Variants in PXDNL observed in about 807,000 individuals in gnomAD.
PXDNL encodes the protein probable oxidoreductase PXDNL.
PXDNL carries 145 observed loss-of-function variants against 150.8 expected under a neutral mutation model. The observed-to-expected ratio is 0.96, with a 90% CI of 0.84 to 1.10. The LOEUF is 1.10. Among genes scored for constraint, PXDNL ranks in the 50% least tolerant of loss-of-function variants. The pLI, the probability that PXDNL is intolerant of heterozygous loss-of-function variation, is 0.00. For synonymous variants in PXDNL, 757 were observed against 725.7 expected, an observed-to-expected ratio of 1.04 and a Z score of -0.69; for missense variants, 2,087 against 1,873.9, an observed-to-expected ratio of 1.11 and a Z score of -2.10.
In PXDNL at chr8:51,320,870, G is replaced by T. The variant is rs1489995204; in HGVS notation, c.4174C>A (p.Gln1392Lys). Residue 1392 changes from glutamine (Q) to lysine (K), a missense_variant, in exon 22 of 23, where the codon CAG (glutamine) becomes AAG (lysine). Coordinates refer to ENST00000356297, the MANE Select transcript of PXDNL (RefSeq NM_144651.5). ...QINKLEARLRQAGCTDVRGVP... is the reference protein window; with the variant it reads ...QINKLEARLRKAGCTDVRGVP... ...CCTCTAACATCTGTACACCCTGCCT[G>T]CCTCAGGCGTGCCTCCAGCTTGTTT... 2.5e-6 allele frequency: 4 copies of T among 1,613,890 alleles called. No homozygotes were observed. The highest frequency in any genetic ancestry group is 3.4e-6 in the Non-Finnish European group (4 of 1,179,828).
intron 4 of PXDNL, among the ~76,000 whole-genome samples, chr8:51,528,700 A>G (rs573041614): frequency 6.6e-6 from 1 of 152,286 alleles, no homozygotes; most frequent in African/African-American, 2.4e-5. Context: ...GGCAGAGGAA[A>G]AGGGCAGAGA....
chr8:51,559,072 G>T (rs1041915380), intron 3 of PXDNL, among the ~76,000 whole-genome samples: 4 of 151,946 alleles, frequency 2.6e-5, no homozygotes, highest in Admixed American at 6.6e-5. Flanking sequence ...GCATTCTTTG[G>T]TGAGTCAGCT....
Position 51,339,685 on chromosome 8 carries a change from G to A in PXDNL, c.4085C>T (p.Ser1362Phe). Residue 1362 changes from serine to phenylalanine, a missense_variant, in exon 21 of 23, where the codon TCC becomes TTC. Ser to Phe is a radical substitution (Grantham distance 155, BLOSUM62 -2). Coordinates refer to ENST00000356297, the MANE Select transcript of PXDNL (RefSeq NM_144651.5). ...CGCTGCAAACGTGCTGAAATCTTGG[G>A]AGAACTTTGTTTTTGCCAGAACTGT... Reference protein sequence around the residue: ...NVTVLAKTKFSQDFSTFAAEI... With the variant: ...NVTVLAKTKFFQDFSTFAAEI... 6.2e-7 allele frequency: 1 copy of A among 1,613,508 alleles called. No individual in the cohort carries two copies. Among genetic ancestry groups the A allele is most frequent in the Non-Finnish European group, 8.5e-7 (1 of 1,179,638 alleles).
At chr8:51,551,819 A>G (rs139219907) in intron 4 of PXDNL, among the ~76,000 whole-genome samples, 525 of 152,350 alleles carry the variant, frequency 3.4e-3, no homozygotes, top group African/African-American at 0.012. Context: ...ACAAAGATAA[A>G]TAGATGGGAC....
At chr8:51,651,995 G>C (rs1563496235) in intron 2 of PXDNL, among the ~76,000 whole-genome samples, 1 of 152,124 alleles carries the variant, frequency 6.6e-6, no homozygotes, top group Non-Finnish European at 1.5e-5. Context: ...AGCAAGCTCT[G>C]TTTAATACAA....
rs35415972 is a variant in PXDNL, at chr8:51,490,727, AGTGTGTGTGTGT to A, written c.453-7025_453-7014del. 2.4e-3 allele frequency among the ~76,000 whole-genome samples: 357 copies of A among 147,294 alleles called. 2 individuals carry two copies. The highest frequency in any genetic ancestry group is 7.3e-3 in the African/African-American group (289 of 39,728). ...CTCATCAGTATGTAATTGACTTTCT[AGTGTGTGTGTGT>A]GTGTGTGTGTGTGTGTGTGTGTGTA... On this transcript the variant is annotated intron_variant, in intron 5 of 22. Transcript: ENST00000356297.
At chr8:51,379,791 A>T (rs1807474733) in intron 17 of PXDNL, among the ~76,000 whole-genome samples, 1 of 152,118 alleles carries the variant, frequency 6.6e-6, no homozygotes, top group East Asian at 1.9e-4. Flanking sequence ...TTTGCCTCTC[A>T]GATTTAATTC....
intron 2 of PXDNL, among the ~76,000 whole-genome samples, chr8:51,638,631 A>C (rs968554054): frequency 6.6e-6 from 1 of 152,200 alleles, no homozygotes; most frequent in African/African-American, 2.4e-5. Flanking sequence ...TAAAGGGATC[A>C]ATTCAACAAG....
At chr8:51,624,099 C>CA (rs59841822) in intron 2 of PXDNL, among the ~76,000 whole-genome samples, 13,148 of 79,394 alleles carry the variant, frequency 0.17, 1,591 homozygotes, top group African/African-American at 0.29. Context: ...TCTCAAATTA[C>CA]AAAAAAAAAA....
chr8:51,614,381 C>A (rs1330171030), intron 2 of PXDNL, among the ~76,000 whole-genome samples: 1 of 152,196 alleles, frequency 6.6e-6, no homozygotes, highest in East Asian at 1.9e-4. Flanking sequence ...GAGTCTCAGC[C>A]AATTGCAGGT....
intron 14 of PXDNL, among the ~76,000 whole-genome samples, chr8:51,419,594 G>T (rs1808892121): frequency 6.6e-6 from 1 of 152,106 alleles, no homozygotes; most frequent in African/African-American, 2.4e-5. Flanking sequence ...CACTTCTAAT[G>T]TTTCATATAA....
At chr8:51,371,321 A>G (rs1186705948) in intron 19 of PXDNL, among the ~76,000 whole-genome samples, 1 of 152,264 alleles carries the variant, frequency 6.6e-6, no homozygotes, top group African/African-American at 2.4e-5. Flanking sequence ...TATTGTGAGC[A>G]CAAAACAGAT....
At chr8:51,805,590 C>T (rs1054992595) in intron 1 of PXDNL, among the ~76,000 whole-genome samples, 1 of 151,622 alleles carries the variant, frequency 6.6e-6, no homozygotes, top group African/African-American at 2.4e-5. Context: ...TTTTCCATTT[C>T]CCCACCCCCA....
chr8:51,575,430 AC>A (rs112874586), intron 3 of PXDNL, among the ~76,000 whole-genome samples: 8,075 of 152,174 alleles, frequency 0.053, 512 homozygotes, highest in African/African-American at 0.15. Context: ...TAGTCTAAAC[AC>A]ACTGATTAAA....
chr8:51,403,526 C>T (rs138686849), intron 17 of PXDNL, among the ~76,000 whole-genome samples: 2 of 152,170 alleles, frequency 1.3e-5, no homozygotes, highest in African/African-American at 2.4e-5. Flanking sequence ...GAGTCCGATG[C>T]TAATTCTAGG....
At chr8:51,381,769 C>T (rs996017041) in intron 17 of PXDNL, among the ~76,000 whole-genome samples, 1 of 151,654 alleles carries the variant, frequency 6.6e-6, no homozygotes, top group African/African-American at 2.4e-5. Flanking sequence ...TCTCCTGTCT[C>T]AGCCTCCCGA....
chr8:51,450,042 T>C lies in PXDNL; in HGVS notation c.1250-924A>G, dbSNP rs191200420. Among the ~76,000 whole-genome samples, 123 of 152,318 alleles carry C rather than the reference T, an allele frequency of 8.1e-4. No homozygotes were observed. In the Middle Eastern group the frequency reaches 0.034, roughly 42 times the overall value. On this transcript the variant is annotated intron_variant, in intron 10 of 22. Coordinates refer to ENST00000356297, the MANE Select transcript of PXDNL (RefSeq NM_144651.5). ...TATGTGCTAAACATGGGGTGGATTA[T>C]TTACGAGTTTTCTGGAAAGCGGTGG...
At chr8:51,556,766 A>C in intron 4 of PXDNL, 74 bp downstream of exon 4, 1 of 791,552 alleles carries the variant, frequency 1.3e-6, no homozygotes, top group East Asian at 2.5e-5. Flanking sequence ...CAACTATCAC[A>C]TAATGGCATT....
At chr8:51,800,293 T>G (rs933814167) in intron 1 of PXDNL, among the ~76,000 whole-genome samples, 1 of 152,224 alleles carries the variant, frequency 6.6e-6, no homozygotes, top group Non-Finnish European at 1.5e-5. Flanking sequence ...TAAAATATTT[T>G]ATGTTAATAT....
Sources: allele counts gnomAD v4.1 joint callset (sites outside exome capture counted in the v4.1 genomes callset), GRCh38; gene constraint gnomAD v4.1.1; transcripts MANE v1.5; gene names NCBI Gene and HGNC (gene_info 2026-07-23, HGNC 2026-07-21).